Variants in DPP4 observed in about 807,000 individuals in gnomAD.
The protein encoded by DPP4 is dipeptidyl peptidase 4, also known as ADCP-2.
DPP4 carries 93 observed loss-of-function variants against 122.4 expected under a neutral mutation model. The observed-to-expected ratio is 0.76, with a 90% confidence interval of 0.64 to 0.90. The LOEUF (loss-of-function observed/expected upper bound fraction) is 0.90, where lower values mean the gene tolerates loss of function less well. DPP4 is among the 40% of genes least tolerant of loss of function. The pLI is 0.00. For missense variants in DPP4, 914 were observed against 907.3 expected (o/e 1.01, Z -0.09); for synonymous variants, 321 against 302.9 (o/e 1.06, Z -0.62).
rs1685065342 is a variant in DPP4, at chr2:162,070,095, A to C, written c.94+3304T>G. On this transcript the variant is annotated intron_variant, in intron 2 of 25. Transcript: ENST00000360534. ...CATGAAGAGTTCTACAATTCCATAC[A>C]AGTATTTTTACGTATTTCTCACTGA... 2.0e-5 allele frequency among the ~76,000 whole-genome samples: 3 copies of C among 152,230 alleles called. No individual in the cohort carries two copies. In the South Asian group the frequency reaches 6.2e-4, roughly 32 times the overall value.
At chr2:161,995,140 G>C in intron 24 of DPP4, 106 bp from the exon 25 acceptor site, 1 of 1,382,232 alleles carries the variant, frequency 7.2e-7, no homozygotes, top group Non-Finnish European at 1.0e-6. Flanking sequence ...GAAGTTCTAG[G>C]ACTCAGCATC....
intron 5 of DPP4, among the ~76,000 whole-genome samples, chr2:162,043,462 A>G (rs1688257241): frequency 1.3e-5 from 2 of 152,202 alleles, no homozygotes; most frequent in South Asian, 4.1e-4. Context: ...GACAGAGTGA[A>G]AAAAGCAAAA....
chr2:162,014,974 G>A (rs577717163), intron 18 of DPP4, among the ~76,000 whole-genome samples: 19 of 152,090 alleles, frequency 1.2e-4, no homozygotes, highest in Non-Finnish European at 2.1e-4. Context: ...TTTCAGCTCT[G>A]TGTTTCACAG....
chr2:162,035,880 T>C (rs1683752537), intron 8 of DPP4, among the ~76,000 whole-genome samples: 1 of 152,106 alleles, frequency 6.6e-6, no homozygotes. Flanking sequence ...CTGAGAAACA[T>C]CTCCTTGCCC....
intron 22 of DPP4, among the ~76,000 whole-genome samples, chr2:162,006,635 G>C (rs543002238): frequency 6.6e-6 from 1 of 151,870 alleles, no homozygotes; most frequent in Non-Finnish European, 1.5e-5. Context: ...TTGCATAATT[G>C]GTTTGGTTAT....
At chr2:162,052,904 T>A (rs73971554) in intron 2 of DPP4, among the ~76,000 whole-genome samples, 5,915 of 152,220 alleles carry the variant, frequency 0.039, 266 homozygotes, top group African/African-American at 0.1. Context: ...AGAAATGGCC[T>A]TTCATACCAG....
chr2:162,039,088 T>C, intron 6 of DPP4, 44 bp downstream of exon 6: 2 of 1,611,182 alleles, frequency 1.2e-6, no homozygotes, highest in African/African-American at 1.3e-5. Context: ...CTTAAAAATA[T>C]GACAGTAGGA....
chr2:161,993,448 C>A, intron 25 of DPP4, 64 bp from the exon 26 acceptor site: 4 of 1,114,370 alleles, frequency 3.6e-6, no homozygotes, highest in Non-Finnish European at 5.4e-6. Context: ...AAAAAAAATA[C>A]GTAAATTCAA....
chr2:162,022,658 A>G (rs1576045706), intron 12 of DPP4, 97 bp downstream of exon 12: 1 of 1,126,778 alleles, frequency 8.9e-7, no homozygotes. Flanking sequence ...TATTGCTATT[A>G]ATAACGTATC....
chr2:162,008,529 C>G, intron 22 of DPP4, 33 bp downstream of exon 22: 1 of 1,579,262 alleles, frequency 6.3e-7, no homozygotes. Context: ...GTCAACACTC[C>G]GTATCTCTTT....
Position 162,038,978 on chromosome 2 carries a change from C to T in DPP4, c.463G>A (p.Val155Ile). 6.2e-7 allele frequency: 1 copy of T among 1,613,430 alleles called. No individual in the cohort carries two copies. The highest frequency in any genetic ancestry group is 8.5e-7 in the Non-Finnish European group (1 of 1,179,512). ...TTATGACCCACTGGTGACCATGTGA[C>T]CCACTGTGTGTTGTTTGGAATCCTC... ...EERIPNNTQW[V>I]TWSPVGHKLA... The change falls in exon 7 of 26, where the codon GTC becomes ATC. Residue 155 changes from valine to isoleucine, a missense_variant. Transcript: ENST00000360534.
chr2:162,022,779 C>A lies in DPP4; in HGVS notation c.1044G>T (p.Met348Ile). Residue 348 changes from methionine (M) to isoleucine (I), a missense_variant, in exon 12 of 26, where the codon ATG becomes ATT. Physicochemically the swap from Met to Ile is conservative, Grantham distance 10. Transcript: ENST00000360534. ...NCLVARQHIE[M>I]STTGWVGRFR... ...CTCTTCCAACCCAGCCAGTAGTACT[C>A]ATTTCAATGTGTTGCCGTGCCTAGG... 2 of 1,614,014 alleles carry A rather than the reference C, an allele frequency of 1.2e-6. No homozygotes were observed. The highest frequency in any genetic ancestry group is 1.7e-6 in the Non-Finnish European group (2 of 1,180,008).
intron 9 of DPP4, 44 bp from the exon 10 acceptor site, chr2:162,033,697 A>AAAGTAAC: frequency 7.3e-7 from 1 of 1,365,440 alleles, no homozygotes; most frequent in Non-Finnish European, 1.0e-6. Flanking sequence ...AAAAAAAAAA[A>AAAGTAAC]AGTAACATCG....
At chr2:162,054,397 A>G (rs369915480) in intron 2 of DPP4, among the ~76,000 whole-genome samples, 5 of 152,198 alleles carry the variant, frequency 3.3e-5, no homozygotes, top group East Asian at 1.9e-4. Flanking sequence ...GATGCTAGAA[A>G]AAGTTAAGAT....
At chr2:162,020,321 A>G in intron 13 of DPP4, 25 bp from the exon 14 acceptor site, 1 of 1,246,010 alleles carries the variant, frequency 8.0e-7, no homozygotes, top group South Asian at 1.4e-5. Flanking sequence ...TTTTTTTCAA[A>G]AAAAAAAAAA....
chr2:162,033,512 A>C, intron 10 of DPP4, 29 bp downstream of exon 10: 1 of 1,562,984 alleles, frequency 6.4e-7, no homozygotes, highest in Non-Finnish European at 8.7e-7. Flanking sequence ...AACTGTTTAC[A>C]AGCCAAGCAT....
intron 1 of DPP4, 107 bp downstream of exon 1, chr2:162,073,869 C>T: frequency 6.7e-7 from 1 of 1,487,370 alleles, no homozygotes; most frequent in Non-Finnish European, 9.1e-7. Flanking sequence ...GGGCTTCCGC[C>T]TAAGGGGAGT....
chr2:162,043,504 A>G (rs1229366603), intron 5 of DPP4, among the ~76,000 whole-genome samples: 1 of 152,244 alleles, frequency 6.6e-6, no homozygotes, highest in Admixed American at 6.5e-5. Flanking sequence ...CTCCAGTGAC[A>G]CAACAAATAC....
chr2:162,054,498 T>TC (rs779212042), intron 2 of DPP4, among the ~76,000 whole-genome samples: 127 of 152,216 alleles, frequency 8.3e-4, no homozygotes, highest in Non-Finnish European at 1.4e-3. Flanking sequence ...GGTCTGAGTG[T>TC]CCCCCAAAAT....
Sources: gnomAD v4.1 joint callset for allele counts (sites outside exome capture counted in the v4.1 genomes callset) on GRCh38, gnomAD v4.1.1 for gene constraint, MANE v1.5 for transcripts, NCBI Gene and HGNC (gene_info 2026-07-23, HGNC 2026-07-21) for gene names.